PEBP4: variants seen among roughly 807,000 people sequenced by gnomAD.
The protein encoded by PEBP4 is phosphatidylethanolamine binding protein 4.
PEBP4 carries 22 observed loss-of-function variants against 23.9 expected under a neutral mutation model. The observed-to-expected ratio is 0.92, with a 90% confidence interval of 0.66 to 1.31. The LOEUF (loss-of-function observed/expected upper bound fraction) is 1.31. PEBP4 is among the 40% of genes most tolerant of loss of function. The pLI is 0.00. For missense variants in PEBP4, 324 were observed against 281.7 expected (o/e 1.15, Z -1.07); for synonymous variants, 112 against 99.3 (o/e 1.13, Z -0.76).
At chr8:22,894,243 A>G (rs142018438) in intron 3 of PEBP4, among the ~76,000 whole-genome samples, 2 of 152,186 alleles carry the variant, frequency 1.3e-5, no homozygotes, top group African/African-American at 4.8e-5. Context: ...CAGAAGTGGG[A>G]AAAGTAAAGA....
At chr8:22,801,029 G>A (rs1183920155) in intron 4 of PEBP4, among the ~76,000 whole-genome samples, 1 of 152,008 alleles carries the variant, frequency 6.6e-6, no homozygotes, top group Non-Finnish European at 1.5e-5. Context: ...GCCTCCCCAA[G>A]GGCAGGCTCT....
chr8:22,886,033 T>C (rs912097491), intron 3 of PEBP4: 1 of 152,240 alleles, frequency 6.6e-6, no homozygotes, highest in East Asian at 1.9e-4. Flanking sequence ...CACCTGTTGA[T>C]TCATTTATTC....
intron 3 of PEBP4, among the ~76,000 whole-genome samples, chr8:22,881,916 G>C (rs189142923): frequency 6.6e-6 from 1 of 152,220 alleles, no homozygotes; most frequent in Non-Finnish European, 1.5e-5. Context: ...CTGTCCTCAG[G>C]CTGTTGTAAG....
chr8:22,898,633 C>A (rs1031055231), intron 3 of PEBP4, among the ~76,000 whole-genome samples: 4 of 152,138 alleles, frequency 2.6e-5, no homozygotes, highest in Non-Finnish European at 5.9e-5. Context: ...TCCCCTCACG[C>A]CCTGCACACC....
chr8:22,904,309 G>A (rs1808767213), intron 3 of PEBP4, among the ~76,000 whole-genome samples: 1 of 152,180 alleles, frequency 6.6e-6, no homozygotes, highest in African/African-American at 2.4e-5. Context: ...GACCTTGGCT[G>A]GAGGCAGAGT....
intron 3 of PEBP4, among the ~76,000 whole-genome samples, chr8:22,917,323 C>G (rs540059256): frequency 6.6e-6 from 1 of 152,310 alleles, no homozygotes; most frequent in Non-Finnish European, 1.5e-5. Flanking sequence ...TCTTGAGGGA[C>G]CCAGGTAGCA....
intron 3 of PEBP4, among the ~76,000 whole-genome samples, chr8:22,829,795 G>A (rs1054193580): frequency 4.0e-5 from 6 of 151,750 alleles, no homozygotes; most frequent in Non-Finnish European, 8.8e-5. Context: ...CCCTATCCTT[G>A]TCTCCTCCCT....
At chr8:22,833,251 C>T (rs766109495) in intron 3 of PEBP4, among the ~76,000 whole-genome samples, 10 of 152,298 alleles carry the variant, frequency 6.6e-5, no homozygotes, top group Non-Finnish European at 1.2e-4. Flanking sequence ...TAAAACAGGG[C>T]CCTTGACTCC....
At position 22,775,649 on chromosome 8, in the gene PEBP4, C is replaced by T. The variant is rs144806728; in HGVS notation, c.357+41988G>A. 4.8e-3 allele frequency among the ~76,000 whole-genome samples: 730 copies of T among 152,188 alleles called. No individual in the cohort carries two copies. Among genetic ancestry groups the T allele is most frequent in the Middle Eastern group, 0.014 (4 of 294 alleles). Reference sequence around the variant, plus strand: ...GAGGGTTTGCTGGGAAGGAGGGGGACGGAGGCAGCGTCTCTGCGGCATACC... The same window carrying T: ...GAGGGTTTGCTGGGAAGGAGGGGGATGGAGGCAGCGTCTCTGCGGCATACC... On this transcript the variant is annotated intron_variant, in intron 4 of 6. Coordinates refer to ENST00000256404, the MANE Select transcript of PEBP4 (RefSeq NM_144962.3). This position sits in a 1 kb window ranked among gnomAD's most constrained non-coding sequence, Gnocchi z 4.8.
chr8:22,759,723 C>T (rs1805466715), intron 4 of PEBP4, among the ~76,000 whole-genome samples: 1 of 152,146 alleles, frequency 6.6e-6, no homozygotes, highest in South Asian at 2.1e-4. Flanking sequence ...TATGTAGTTC[C>T]TCGAGAAGCC....
intron 4 of PEBP4, among the ~76,000 whole-genome samples, chr8:22,729,027 C>T (rs1398374290): frequency 6.6e-6 from 1 of 152,222 alleles, no homozygotes; most frequent in African/African-American, 2.4e-5. Flanking sequence ...GTCTCGCTCC[C>T]CTCTCAGCAC....
chr8:22,793,348 C>T (rs532362794), intron 4 of PEBP4, among the ~76,000 whole-genome samples: 4 of 152,140 alleles, frequency 2.6e-5, no homozygotes, highest in African/African-American at 9.6e-5. Flanking sequence ...CTCACTGCAA[C>T]CTCTGCCTCC....
In PEBP4 at chr8:22,803,823, G is replaced by A. The variant is rs78590933; in HGVS notation, c.357+13814C>T. Reference sequence around the variant, plus strand: ...TGTTCACTCAGGCCCCAGAGCCAGGGGCCATCCTCGCACCATCCTTCACCC... The same window carrying A: ...TGTTCACTCAGGCCCCAGAGCCAGGAGCCATCCTCGCACCATCCTTCACCC... On this transcript the variant is annotated intron_variant, in intron 4 of 6. Transcript: ENST00000256404. 2.1e-3 allele frequency among the ~76,000 whole-genome samples: 314 copies of A among 152,214 alleles called. 8 individuals carry two copies. In the East Asian group the frequency reaches 0.052, roughly 25 times the overall value.
chr8:22,816,565 G>T (rs1235723737), intron 4 of PEBP4, among the ~76,000 whole-genome samples: 1 of 152,210 alleles, frequency 6.6e-6, no homozygotes, highest in Non-Finnish European at 1.5e-5. Flanking sequence ...GCTCTCATAA[G>T]TCATTGGCTC....
chr8:22,768,712 T>C (rs1479068230), intron 4 of PEBP4, among the ~76,000 whole-genome samples: 1 of 100,266 alleles, frequency 1.0e-5, no homozygotes, highest in African/African-American at 3.9e-5. Flanking sequence ...AGGTAGGGGG[T>C]GGGTCAGGGC....
intron 3 of PEBP4, among the ~76,000 whole-genome samples, chr8:22,879,921 G>A (rs1808209865): frequency 1.3e-5 from 2 of 152,208 alleles, no homozygotes; most frequent in African/African-American, 2.4e-5. Context: ...GCACACAGAG[G>A]GGTATGTTGC....
intron 4 of PEBP4, among the ~76,000 whole-genome samples, chr8:22,802,676 C>T (rs1450701901): frequency 1.3e-5 from 2 of 152,218 alleles, no homozygotes; most frequent in East Asian, 3.8e-4. Context: ...CTAATAACGC[C>T]AATCTCATCG....
chr8:22,907,198 C>T (rs1422928258), intron 3 of PEBP4, among the ~76,000 whole-genome samples: 2 of 152,216 alleles, frequency 1.3e-5, no homozygotes, highest in African/African-American at 4.8e-5. Context: ...ACAGCTCATG[C>T]CTGTAATCCC....
intron 4 of PEBP4, among the ~76,000 whole-genome samples, chr8:22,808,998 A>G (rs1007802088): frequency 1.3e-5 from 2 of 152,188 alleles, no homozygotes; most frequent in African/African-American, 4.8e-5. Context: ...CCACACAGGC[A>G]GCTCATTCTC....
Sources: gnomAD v4.1 joint callset for allele counts (sites outside exome capture counted in the v4.1 genomes callset) on GRCh38, gnomAD v4.1.1 for gene constraint, Gnocchi (gnomAD v3.1) non-coding constraint, MANE v1.5 for transcripts, NCBI Gene and HGNC (gene_info 2026-07-23, HGNC 2026-07-21) for gene names.